CTNNA2: variants seen among roughly 807,000 people sequenced by gnomAD.
CTNNA2 encodes catenin alpha-2.
CTNNA2 carries 42 observed loss-of-function variants against 101.0 expected under a neutral mutation model. The observed-to-expected ratio is 0.42, with a 90% confidence interval of 0.32 to 0.54. CTNNA2 has a LOEUF of 0.54. CTNNA2 is among the 20% of genes least tolerant of loss of function. The pLI is 0.14. For synonymous variants in CTNNA2, 450 were observed against 456.4 expected (o/e 0.99, Z 0.18); for missense variants, 871 against 1,223.1 (o/e 0.71, Z 4.29).
rs115198883 is a variant in CTNNA2, at chr2:79,965,551, C to T, written c.1056+55754C>T. ...ACTGTCTATAAAAACAAGCCAGGCT[C>T]GGTGGTTCACACCTGTAATCCCAGC... On this transcript the variant is annotated intron_variant, in intron 7 of 18. Coordinates refer to ENST00000402739, the MANE Select transcript of CTNNA2 (RefSeq NM_001282597.3). Among the ~76,000 whole-genome samples, 1,403 of 152,108 alleles carry T rather than the reference C, an allele frequency of 9.2e-3. 22 individuals are homozygous for T. Among genetic ancestry groups the T allele is most frequent in the African/African-American group, 0.031 (1,302 of 41,500 alleles).
At chr2:79,529,200 A>G (rs1438742191) in intron 1 of CTNNA2, among the ~76,000 whole-genome samples, 4 of 152,158 alleles carry the variant, frequency 2.6e-5, no homozygotes, top group Non-Finnish European at 5.9e-5. Context: ...AGGAGGGATG[A>G]GGCATGAGAA....
chr2:79,945,603 T>C (rs1395703880), intron 7 of CTNNA2, among the ~76,000 whole-genome samples: 2 of 152,228 alleles, frequency 1.3e-5, no homozygotes, highest in South Asian at 2.1e-4. Flanking sequence ...TTTAACTGTC[T>C]ATTTGAAATC....
intron 7 of CTNNA2, among the ~76,000 whole-genome samples, chr2:80,083,819 T>C (rs1420219043): frequency 6.6e-6 from 1 of 152,212 alleles, no homozygotes; most frequent in Non-Finnish European, 1.5e-5. Flanking sequence ...AATACATTTA[T>C]GAATTTTTAA....
intron 13 of CTNNA2, chr2:80,579,210 G>A (rs1349150351): frequency 3.9e-5 from 6 of 152,010 alleles, no homozygotes; most frequent in African/African-American, 1.5e-4. Flanking sequence ...CTTTATTTTG[G>A]TTCTTGGGCC....
chr2:79,611,244 A>G (rs927150515), intron 1 of CTNNA2, among the ~76,000 whole-genome samples: 1 of 152,174 alleles, frequency 6.6e-6, no homozygotes, highest in Non-Finnish European at 1.5e-5. Flanking sequence ...AAATGTTTAA[A>G]ATGAATTTGG....
intron 6 of CTNNA2, among the ~76,000 whole-genome samples, chr2:79,883,104 C>T (rs1427080940): frequency 6.6e-6 from 1 of 152,150 alleles, no homozygotes. Flanking sequence ...TGGGAGCCTC[C>T]GATCGCCTCT....
intron 7 of CTNNA2, among the ~76,000 whole-genome samples, chr2:80,062,086 G>A (rs564380235): frequency 2.0e-5 from 3 of 152,188 alleles, no homozygotes; most frequent in Non-Finnish European, 4.4e-5. Context: ...CATTGCCACT[G>A]TAGCTTTGAG....
At chr2:79,228,299 T>A (rs919256591) in intron 2 of CTNNA2, among the ~76,000 whole-genome samples, 3 of 152,190 alleles carry the variant, frequency 2.0e-5, no homozygotes, top group African/African-American at 7.2e-5. Flanking sequence ...GAATGGTAGT[T>A]CTCTTTTAAG....
chr2:80,340,152 G>A (rs1672103587), intron 7 of CTNNA2, among the ~76,000 whole-genome samples: 1 of 152,166 alleles, frequency 6.6e-6, no homozygotes, highest in African/African-American at 2.4e-5. Context: ...ACCCCTCTCA[G>A]TACTTGCCAG....
Position 79,909,600 on chromosome 2 carries a change from A to G in CTNNA2, c.859A>G (p.Ile287Val), listed in dbSNP as rs762881187. 3 of 1,605,710 alleles carry G rather than the reference A, an allele frequency of 1.9e-6. No individual in the cohort carries two copies. The Admixed American group carries it at 5.0e-5, about 27-fold the overall frequency. The change falls in exon 7 of 19, where the codon ATT becomes GTT. Residue 287 changes from isoleucine (I) to valine (V), a missense_variant. Ile to Val is a conservative substitution (Grantham distance 29, BLOSUM62 3). This residue lies in a region of CTNNA2 where 647 missense variants were observed against 831.5 expected (regional missense o/e 0.78). Transcript: ENST00000402739. ...AAALNEFDNK[I>V]ILDPMTFSEA... ...GTGTGTGTGATACTTTCAGAATAAGATTATCCTGGACCCCATGACGTTCAG... is the reference window on the plus strand; with the variant it reads ...GTGTGTGTGATACTTTCAGAATAAGGTTATCCTGGACCCCATGACGTTCAG...
chr2:79,277,064 C>A (rs1169029998), intron 2 of CTNNA2, among the ~76,000 whole-genome samples: 2 of 151,960 alleles, frequency 1.3e-5, no homozygotes, highest in Admixed American at 1.3e-4. Flanking sequence ...AATCTCAGAC[C>A]AGAGAGCCAT....
Position 80,581,725 on chromosome 2 carries a change from A to T in CTNNA2, c.1913A>T (p.Asp638Val). 6.2e-7 allele frequency: 1 copy of T among 1,611,140 alleles called. No individual in the cohort carries two copies. The highest frequency in any genetic ancestry group is 8.5e-7 in the Non-Finnish European group (1 of 1,177,544). The stretch of plus-strand genomic sequence containing the variant: ...CTTTAGACCCCAGAAGAACTAGAGG[A>T]TGATTCTGACTTTGAGCAGGAAGAT... ...LMIRTPEELE[D>V]DSDFEQEDYD... The change falls in exon 14 of 19, where the codon GAT becomes GTT. Residue 638 changes from aspartate to valine, a missense_variant. Asp to Val is a radical substitution (Grantham distance 152, BLOSUM62 -3). Transcript: ENST00000402739.
At chr2:79,348,579 A>G (rs995483206) in intron 3 of CTNNA2, among the ~76,000 whole-genome samples, 2 of 152,220 alleles carry the variant, frequency 1.3e-5, no homozygotes, top group African/African-American at 4.8e-5. Context: ...AGAGTTTCAA[A>G]TATCTCAGTC....
At position 80,370,211 on chromosome 2, in the gene CTNNA2, C is replaced by A. The variant is rs113239375; in HGVS notation, c.1057-23000C>A. ...GGAGAACTCAGTGCAGCCATTGTAT[C>A]CTATTTCAGCGAAAAAATATTGTAT... On this transcript the variant is annotated intron_variant, in intron 7 of 18. Coordinates refer to ENST00000402739, the MANE Select transcript of CTNNA2 (RefSeq NM_001282597.3). Among the ~76,000 whole-genome samples the A allele has an allele frequency of 4.9e-4, 74 of 151,792 alleles. 1 individual carries two copies. The highest frequency in any genetic ancestry group is 1.7e-3 in the African/African-American group (70 of 41,414).
intron 7 of CTNNA2, among the ~76,000 whole-genome samples, chr2:80,271,673 C>T (rs6714655): frequency 3.5e-4 from 54 of 152,222 alleles, no homozygotes; most frequent in African/African-American, 1.2e-3. Flanking sequence ...CTACCTGCCT[C>T]GGCCTCCCAA....
chr2:80,495,560 G>A (rs1457476043), intron 9 of CTNNA2, among the ~76,000 whole-genome samples: 1 of 152,168 alleles, frequency 6.6e-6, no homozygotes, highest in East Asian at 1.9e-4. Context: ...TTTGGAAATA[G>A]GGTCATTGGA....
intron 7 of CTNNA2, among the ~76,000 whole-genome samples, chr2:80,056,445 C>T (rs1697218615): frequency 6.6e-6 from 1 of 152,148 alleles, no homozygotes; most frequent in African/African-American, 2.4e-5. Flanking sequence ...TACTGGCAGT[C>T]TTTGCATGGA....
At chr2:79,618,182 G>C (rs372660993) in intron 1 of CTNNA2, among the ~76,000 whole-genome samples, 3 of 152,112 alleles carry the variant, frequency 2.0e-5, no homozygotes, top group East Asian at 1.9e-4. Flanking sequence ...ATGCCCTTTG[G>C]GCAGCAACCA....
intron 7 of CTNNA2, among the ~76,000 whole-genome samples, chr2:80,135,262 A>G (rs1386074051): frequency 6.6e-6 from 1 of 152,114 alleles, no homozygotes; most frequent in Non-Finnish European, 1.5e-5. Flanking sequence ...CAGGCCATGA[A>G]CTCTGGCAGG....
Sources: allele counts gnomAD v4.1 joint callset (sites outside exome capture counted in the v4.1 genomes callset), GRCh38; gene constraint gnomAD v4.1.1; regional missense constraint gnomAD v4.1.1; transcripts MANE v1.5; gene names NCBI Gene and HGNC (gene_info 2026-07-23, HGNC 2026-07-21).